SNX13: variants seen among roughly 807,000 people sequenced by gnomAD.
SNX13 encodes sorting nexin-13.
SNX13 carries 45 observed loss-of-function variants against 133.6 expected under a neutral mutation model. That is an observed-to-expected ratio of 0.34 (90% confidence interval 0.27 to 0.43). SNX13 has a LOEUF of 0.43. SNX13 is among the 20% of genes least tolerant of loss of function. SNX13 has a pLI of 1.00. For missense variants in SNX13, 1,032 were observed against 1,145.1 expected, an observed-to-expected ratio of 0.90 and a Z score of 1.43; for synonymous variants, 414 against 373.9, an observed-to-expected ratio of 1.11 and a Z score of -1.24.
chr7:17,930,606 C>T (rs1270057318), intron 1 of SNX13, among the ~76,000 whole-genome samples: 1 of 152,230 alleles, frequency 6.6e-6, no homozygotes, highest in Non-Finnish European at 1.5e-5. Flanking sequence ...CTCAAGTCTA[C>T]TTGGTTTTTC....
rs73680519 is a variant in SNX13 at position 17,920,078 on chromosome 7, C to T, written c.12+20206G>A. Among the ~76,000 whole-genome samples the T allele has an allele frequency of 5.8e-3, 888 of 152,264 alleles. 10 individuals carry two copies. Among genetic ancestry groups the T allele is most frequent in the African/African-American group, 0.02 (848 of 41,572 alleles). On this transcript the variant is annotated intron_variant, in intron 1 of 25. Coordinates refer to ENST00000428135, the MANE Select transcript of SNX13 (RefSeq NM_015132.5). ...ATGACTTAAAACAGGCTTCATCTAT[C>T]TGGTGTCATAGCCTCAAAAAGTTAC...
chr7:17,940,077 G>A (rs1446681921), intron 1 of SNX13, among the ~76,000 whole-genome samples: 2 of 152,140 alleles, frequency 1.3e-5, no homozygotes, highest in African/African-American at 4.8e-5. Context: ...CGAAAGGCGA[G>A]GCACTGGCAG....
chr7:17,830,342 T>C, intron 15 of SNX13: 1 of 984,296 alleles, frequency 1.0e-6, no homozygotes, highest in Non-Finnish European at 1.2e-6. Flanking sequence ...TCTCATGGTA[T>C]CAAGTAAGTT....
Position 17,797,096 on chromosome 7 carries a change from C to T in SNX13, c.2514-157G>A, listed in dbSNP as rs191195708. 2.3e-3 allele frequency among the ~76,000 whole-genome samples: 356 copies of T among 151,702 alleles called. 2 individuals are homozygous for T. The highest frequency in any genetic ancestry group is 7.7e-3 in the South Asian group (37 of 4,814). On this transcript the variant is annotated intron_variant, in intron 24 of 25. Transcript: ENST00000428135. ...AGCTATAATGATATTCAAGAAAGAT[C>T]AACTAAGTGTAGGGTTCAATTTTAG...
chr7:17,909,544 A>C (rs1309337028), intron 1 of SNX13, among the ~76,000 whole-genome samples: 1 of 152,250 alleles, frequency 6.6e-6, no homozygotes, highest in East Asian at 1.9e-4. Flanking sequence ...GAGACTAACA[A>C]GATCACATCC....
chr7:17,883,101 G>A (rs1795560061), intron 5 of SNX13, among the ~76,000 whole-genome samples: 2 of 152,152 alleles, frequency 1.3e-5, no homozygotes, highest in African/African-American at 2.4e-5. Flanking sequence ...AGTTTTATAT[G>A]ACTGTATTAA....
chr7:17,938,605 T>G (rs1802386290), intron 1 of SNX13, among the ~76,000 whole-genome samples: 1 of 152,250 alleles, frequency 6.6e-6, no homozygotes, highest in South Asian at 2.1e-4. Context: ...ACAGTTTACT[T>G]AATATTATCA....
intron 11 of SNX13, among the ~76,000 whole-genome samples, chr7:17,849,025 C>T (rs895966248): frequency 6.6e-6 from 1 of 152,192 alleles, no homozygotes; most frequent in Non-Finnish European, 1.5e-5. Flanking sequence ...TTTTAGATAA[C>T]ATCATCCAGG....
At chr7:17,800,649 A>G (rs552499775) in intron 22 of SNX13, among the ~76,000 whole-genome samples, 3 of 151,952 alleles carry the variant, frequency 2.0e-5, no homozygotes, top group South Asian at 4.1e-4. Flanking sequence ...TGTATTACAT[A>G]TATCTGACAA....
chr7:17,923,293 C>T (rs893656535), intron 1 of SNX13, among the ~76,000 whole-genome samples: 1 of 152,074 alleles, frequency 6.6e-6, no homozygotes, highest in Admixed American at 6.5e-5. Context: ...TTAAAACAGA[C>T]TTGTATATAG....
intron 8 of SNX13, among the ~76,000 whole-genome samples, chr7:17,871,216 A>G (rs903957811): frequency 6.6e-6 from 1 of 152,164 alleles, no homozygotes; most frequent in Non-Finnish European, 1.5e-5. Flanking sequence ...CGTGTTAGCC[A>G]GGATGGTCTC....
At chr7:17,923,724 T>C (rs1180161668) in intron 1 of SNX13, among the ~76,000 whole-genome samples, 1 of 152,064 alleles carries the variant, frequency 6.6e-6, no homozygotes, top group East Asian at 1.9e-4. Context: ...GGGAGTCCTC[T>C]TCTTCTCGGA....
At chr7:17,809,282 C>CAAAAAAAAAAAAA (rs535077123) in intron 20 of SNX13, among the ~76,000 whole-genome samples, 1 of 49,274 alleles carries the variant, frequency 2.0e-5, no homozygotes, top group Non-Finnish European at 3.5e-5. Flanking sequence ...AGATGGAAAG[C>CAAAAAAAAAAAAA]AAAAAAAAAA....
rs761615047 is a variant in SNX13 at position 17,839,966 on chromosome 7, T to C, written c.1200A>G (p.Leu400=). ...ATCCTTCCACTGTCATCCAAAAGAATAGATGTGCTTGACCTCCAGTTTGCT... is the reference window on the plus strand; with the variant it reads ...ATCCTTCCACTGTCATCCAAAAGAACAGATGTGCTTGACCTCCAGTTTGCT... ...YMQQTGGQAH[L]FFWMTVEGYR... is the part of the protein sequence containing the mutation. The change falls in exon 13 of 26, where the codon CTA becomes CTG. Residue 400 remains leucine (L), a synonymous_variant. Transcript: ENST00000428135. The C allele has an allele frequency of 5.6e-6, 9 of 1,610,866 alleles. No individual in the cohort carries two copies. Among genetic ancestry groups the C allele is most frequent in the Non-Finnish European group, 6.8e-6 (8 of 1,178,160 alleles).
chr7:17,829,935 A>T, intron 16 of SNX13, 75 bp downstream of exon 16: 2 of 1,063,346 alleles, frequency 1.9e-6, no homozygotes, highest in Non-Finnish European at 2.7e-6. Context: ...TATATCATTT[A>T]TTTATATATG....
chr7:17,906,693 G>T (rs1225047216), intron 1 of SNX13, among the ~76,000 whole-genome samples: 1 of 152,060 alleles, frequency 6.6e-6, no homozygotes, highest in Non-Finnish European at 1.5e-5. Flanking sequence ...AGATCTAATT[G>T]TTATACAAGT....
chr7:17,921,549 T>C (rs983953550), intron 1 of SNX13, among the ~76,000 whole-genome samples: 1 of 152,208 alleles, frequency 6.6e-6, no homozygotes, highest in Non-Finnish European at 1.5e-5. Flanking sequence ...TCATTAATCA[T>C]GTACCCAACT....
intron 9 of SNX13, among the ~76,000 whole-genome samples, chr7:17,865,976 T>G (rs182142900): frequency 6.6e-6 from 1 of 152,090 alleles, no homozygotes; most frequent in African/African-American, 2.4e-5. Flanking sequence ...TCTCAGCATA[T>G]AGAAAAACCA....
At chr7:17,835,785 G>A (rs894281104) in intron 13 of SNX13, among the ~76,000 whole-genome samples, 3 of 151,914 alleles carry the variant, frequency 2.0e-5, no homozygotes, top group African/African-American at 7.2e-5. Context: ...TAGGAAAAGG[G>A]CTATACAACT....
Sources: allele counts gnomAD v4.1 joint callset (sites outside exome capture counted in the v4.1 genomes callset), GRCh38; gene constraint gnomAD v4.1.1; transcripts MANE v1.5; gene names NCBI Gene and HGNC (gene_info 2026-07-23, HGNC 2026-07-21).